The following PCDHB7 variants were observed in gnomAD, a reference collection of about 807,000 sequenced individuals.
PCDHB7 encodes protocadherin beta 7.
For missense variants in PCDHB7, 1,148 were observed against 1,011.6 expected (o/e 1.13, Z -1.83); for synonymous variants, 542 against 463.1 (o/e 1.17, Z -2.19).
rs1554280564 is a variant in PCDHB7, at chr5:141,175,744, C to G, written c.*527C>G. On this transcript the variant is annotated 3_prime_UTR_variant, in exon 1 of 1. Coordinates refer to ENST00000231137, the MANE Select transcript of PCDHB7 (RefSeq NM_018940.4). The stretch of plus-strand genomic sequence containing the variant: ...CTAAGTTCCACTAACTAATAAGTGA[C>G]AAAACTGAGCATCCATCCCAGATCT... 1 of 172,136 alleles carries G rather than the reference C, an allele frequency of 5.8e-6. No individual in the cohort carries two copies. The highest frequency in any genetic ancestry group is 1.4e-5 in the Non-Finnish European group (1 of 71,614). 10.7% of individuals were successfully genotyped at this position (172,136 alleles called of 1,614,324 possible).
At position 141,174,067 on chromosome 5, in the gene PCDHB7, G is replaced by C. The variant is rs782528053; in HGVS notation, c.1232G>C (p.Arg411Pro). 17 of 1,613,910 alleles carry C rather than the reference G, an allele frequency of 1.1e-5. No individual in the cohort carries two copies. Among genetic ancestry groups the C allele is most frequent in the Admixed American group, 1.7e-5 (1 of 60,008 alleles). Residue 411 changes from arginine to proline, a missense_variant, in exon 1 of 1, where the codon CGA becomes CCA. Arg to Pro is a moderately radical substitution (Grantham distance 103). Coordinates refer to ENST00000231137, the MANE Select transcript of PCDHB7 (RefSeq NM_018940.4). ...CTGGTAACAGAGAAACCTTTGGATC[G>C]AGAGAGGAACACTGAGTACAACATC... is the stretch of plus-strand genomic sequence containing the variant. ...YTLVTEKPLD[R>P]ERNTEYNITI...
chr5:141,174,342 C>G lies in PCDHB7; in HGVS notation c.1507C>G (p.Leu503Val). 1 of 1,612,992 alleles carries G rather than the reference C, an allele frequency of 6.2e-7. No homozygotes were observed. The highest frequency in any genetic ancestry group is 8.5e-7 in the Non-Finnish European group (1 of 1,179,908). ...GGACCCGCACCTGCCCCTCGCCTCC[C>G]TGGTCTCCATCAACGCGGACAACGG... is the stretch of plus-strand genomic sequence containing the variant. ...SQDPHLPLAS[L>V]VSINADNGHL... Residue 503 changes from leucine to valine, a missense_variant, in exon 1 of 1, where the codon CTG (leucine) becomes GTG (valine). By Grantham distance (32) the Leu-to-Val change is conservative. Transcript: ENST00000231137.
chr5:141,173,721 C>A lies in PCDHB7; in HGVS notation c.886C>A (p.Pro296Thr). The change falls in exon 1 of 1, where the codon CCA (proline) becomes ACA (threonine). Residue 296 changes from proline (P) to threonine (T), a missense_variant. By Grantham distance (38) the Pro-to-Thr change is conservative. Transcript: ENST00000231137. ...ERILKTFQIN[P>T]TSGSLHLKAQ... ...AATTCTCAAAACGTTTCAAATCAAT[C>A]CAACATCTGGCAGTCTTCATCTTAA... 8 of 1,613,930 alleles carry A rather than the reference C, an allele frequency of 5.0e-6. No homozygotes were observed. The highest frequency in any genetic ancestry group is 6.8e-6 in the Non-Finnish European group (8 of 1,179,836).
chr5:141,173,310 G>C lies in PCDHB7; in HGVS notation c.475G>C (p.Asp159His). The C allele has an allele frequency of 1.2e-6, 2 of 1,614,056 alleles. No individual in the cohort carries two copies. Among genetic ancestry groups the C allele is most frequent in the Non-Finnish European group, 1.7e-6 (2 of 1,179,960 alleles). Residue 159 changes from aspartate to histidine, a missense_variant, in exon 1 of 1, where the codon GAT becomes CAT. Asp to His is a moderately conservative substitution (Grantham distance 81). Coordinates refer to ENST00000231137, the MANE Select transcript of PCDHB7 (RefSeq NM_018940.4). Reference protein sequence around the residue: ...GAAFLLESAQDSDVGTNSLSN... With the variant: ...GAAFLLESAQHSDVGTNSLSN... ...GGCATTTCTCCTAGAGAGTGCACAG[G>C]ATTCAGATGTTGGAACCAACAGCCT...
In PCDHB7 at chr5:141,173,993, G is replaced by A. The variant is rs782696134; in HGVS notation, c.1158G>A (p.Gln386=). 20 of 1,614,130 alleles carry A rather than the reference G, an allele frequency of 1.2e-5. No homozygotes were observed. The highest frequency in any genetic ancestry group is 3.3e-4 in the Middle Eastern group (2 of 6,062). ...ATGGAAAGACAGTGTGCTCCATCCA[G>A]GACGATGTCCCCTTCATCCTGAAGC... ...GNNGKTVCSI[Q]DDVPFILKPS... Residue 386 remains glutamine, a synonymous_variant, in exon 1 of 1, where the codon CAG becomes CAA. Coordinates refer to ENST00000231137, the MANE Select transcript of PCDHB7 (RefSeq NM_018940.4).
chr5:141,173,420 G>A lies in PCDHB7; in HGVS notation c.585G>A (p.Val195=). The A allele has an allele frequency of 6.2e-7, 1 of 1,614,164 alleles. No individual in the cohort carries two copies. Among genetic ancestry groups the A allele is most frequent in the Non-Finnish European group, 8.5e-7 (1 of 1,180,004 alleles). The change falls in exon 1 of 1, where the codon GTG becomes GTA. Residue 195 remains valine, a synonymous_variant. Coordinates refer to ENST00000231137, the MANE Select transcript of PCDHB7 (RefSeq NM_018940.4). ...AGGGGAATATCTATCCCGAATTGGT[G>A]CTGAATCAAGTGCTGGATCGGGAAG... ...SGEGNIYPEL[V]LNQVLDREEI... is the part of the protein sequence containing the mutation.
Position 141,173,517 on chromosome 5 carries a change from G to T in PCDHB7, c.682G>T (p.Val228Leu). Residue 228 changes from valine (V) to leucine (L), a missense_variant, in exon 1 of 1, where the codon GTG becomes TTG. Val to Leu is a conservative substitution (Grantham distance 32, BLOSUM62 1). Transcript: ENST00000231137. ...TCCTCCAAGATCAGGGACCGCCCTC[G>T]TGCGCATTCTGGTTCTAGACGTAAA... ...GSPPRSGTAL[V>L]RILVLDVNDN... 6.2e-7 allele frequency: 1 copy of T among 1,613,990 alleles called. No homozygotes were observed. The highest frequency in any genetic ancestry group is 8.5e-7 in the Non-Finnish European group (1 of 1,179,910).
In PCDHB7 at chr5:141,174,881, C is replaced by T; in HGVS notation, c.2046C>T (p.Asn682=). The T allele has an allele frequency of 6.2e-7, 1 of 1,611,246 alleles. No individual in the cohort carries two copies. The highest frequency in any genetic ancestry group is 1.9e-4 in the Middle Eastern group (1 of 5,338). Residue 682 remains asparagine (N), a synonymous_variant, in exon 1 of 1, where the codon AAC becomes AAT. Coordinates refer to ENST00000231137, the MANE Select transcript of PCDHB7 (RefSeq NM_018940.4). ...CGGAGGCGGCCCCGGACCAGGCCAA[C>T]TCGCTCACCGTCTACCTGGTGGTGG... ...RLPEAAPDQA[N]SLTVYLVVAL...
At position 141,174,284 on chromosome 5, in the gene PCDHB7, C is replaced by T. The variant is rs782065594; in HGVS notation, c.1449C>T (p.Asn483=). The T allele has an allele frequency of 6.2e-6, 10 of 1,612,376 alleles. No individual in the cohort carries two copies. The Admixed American group carries it at 1.5e-4, about 24-fold the overall frequency. The change falls in exon 1 of 1, where the codon AAC becomes AAT. Residue 483 remains asparagine, a synonymous_variant. Coordinates refer to ENST00000231137, the MANE Select transcript of PCDHB7 (RefSeq NM_018940.4). ...VSATDRDSGT[N]AQVIYSLLPS... is the part of the protein sequence containing the mutation. The stretch of plus-strand genomic sequence containing the variant: ...CCACAGACAGAGACTCGGGCACCAA[C>T]GCCCAGGTCATCTACTCCCTGCTGC...
At position 141,174,004 on chromosome 5, in the gene PCDHB7, C is replaced by T. The variant is rs200054290; in HGVS notation, c.1169C>T (p.Pro390Leu). The change falls in exon 1 of 1, where the codon CCC becomes CTC. Residue 390 changes from proline to leucine, a missense_variant. By Grantham distance (98) the Pro-to-Leu change is moderately conservative (BLOSUM62 -3). Coordinates refer to ENST00000231137, the MANE Select transcript of PCDHB7 (RefSeq NM_018940.4). ...GTGTGCTCCATCCAGGACGATGTCC[C>T]CTTCATCCTGAAGCCATCTGTCGAA... ...KTVCSIQDDV[P>L]FILKPSVENF... The T allele has an allele frequency of 1.0e-4, 169 of 1,614,114 alleles. 3 individuals carry two copies. The Admixed American group carries it at 2.7e-3, about 26-fold the overall frequency.
In PCDHB7 at chr5:141,174,658, A is replaced by G; in HGVS notation, c.1823A>G (p.Lys608Arg). Residue 608 changes from lysine (K) to arginine (R), a missense_variant, in exon 1 of 1, where the codon AAG becomes AGG. Transcript: ENST00000231137. ...QNAWLSYQLLKATEPGLFGVW... is the reference protein window; with the variant it reads ...QNAWLSYQLLRATEPGLFGVW... ...GCCTGGCTGTCGTACCAGCTGCTCA[A>G]GGCCACGGAGCCCGGGCTATTCGGC... The G allele has an allele frequency of 3.1e-6, 5 of 1,610,460 alleles. No homozygotes were observed. Among genetic ancestry groups the G allele is most frequent in the Non-Finnish European group, 4.2e-6 (5 of 1,179,748 alleles).
chr5:141,175,069 A>C lies in PCDHB7; in HGVS notation c.2234A>C (p.Gln745Pro). ...TTGAGCGGCACCGGGACCCTATCCCAGAGCTACCAGTATGAGGTGTGCCTG... is the reference window on the plus strand; with the variant it reads ...TTGAGCGGCACCGGGACCCTATCCCCGAGCTACCAGTATGAGGTGTGCCTG... ...VDLSGTGTLS[Q>P]SYQYEVCLTG... Residue 745 changes from glutamine (Q) to proline (P), a missense_variant, in exon 1 of 1, where the codon CAG becomes CCG. Physicochemically the swap from Gln to Pro is moderately conservative, Grantham distance 76 (BLOSUM62 -1). Coordinates refer to ENST00000231137, the MANE Select transcript of PCDHB7 (RefSeq NM_018940.4). 1 of 1,614,232 alleles carries C rather than the reference A, an allele frequency of 6.2e-7. No individual in the cohort carries two copies. The highest frequency in any genetic ancestry group is 8.5e-7 in the Non-Finnish European group (1 of 1,180,046).
rs782403196 is a variant in PCDHB7 at position 141,174,315 on chromosome 5, C to A, written c.1480C>A (p.Gln494Lys). 6.2e-7 allele frequency: 1 copy of A among 1,612,944 alleles called. No individual in the cohort carries two copies. Among genetic ancestry groups the A allele is most frequent in the South Asian group, 1.1e-5 (1 of 91,024 alleles). ...AQVIYSLLPS[Q>K]DPHLPLASLV... ...GGTCATCTACTCCCTGCTGCCGTCC[C>A]AGGACCCGCACCTGCCCCTCGCCTC... The change falls in exon 1 of 1, where the codon CAG (glutamine) becomes AAG (lysine). Residue 494 changes from glutamine (Q) to lysine (K), a missense_variant. Gln to Lys is a moderately conservative substitution (Grantham distance 53, BLOSUM62 1). Coordinates refer to ENST00000231137, the MANE Select transcript of PCDHB7 (RefSeq NM_018940.4).
chr5:141,173,592 G>A lies in PCDHB7; in HGVS notation c.757G>A (p.Glu253Lys). ...VRSLYKVQVP[E>K]NSPVGSMVVS... Reference sequence around the variant, plus strand: ...GTCGCTCTACAAGGTGCAGGTGCCCGAAAATAGCCCCGTTGGTTCCATGGT... The same window carrying A: ...GTCGCTCTACAAGGTGCAGGTGCCCAAAAATAGCCCCGTTGGTTCCATGGT... Residue 253 changes from glutamate to lysine, a missense_variant, in exon 1 of 1, where the codon GAA (glutamate) becomes AAA (lysine). Transcript: ENST00000231137. 6 of 1,614,104 alleles carry A rather than the reference G, an allele frequency of 3.7e-6. No homozygotes were observed. Among genetic ancestry groups the A allele is most frequent in the East Asian group, 4.5e-5 (2 of 44,888 alleles).
At position 141,174,066 on chromosome 5, in the gene PCDHB7, C is replaced by G. The variant is rs781901718; in HGVS notation, c.1231C>G (p.Arg411Gly). 1.2e-6 allele frequency: 2 copies of G among 1,614,012 alleles called. No homozygotes were observed. Among genetic ancestry groups the G allele is most frequent in the Admixed American group, 3.3e-5 (2 of 60,030 alleles). The change falls in exon 1 of 1, where the codon CGA (arginine) becomes GGA (glycine). Residue 411 changes from arginine to glycine, a missense_variant. By Grantham distance (125) the Arg-to-Gly change is moderately radical. Transcript: ENST00000231137. Reference protein sequence around the residue: ...YTLVTEKPLDRERNTEYNITI... With the variant: ...YTLVTEKPLDGERNTEYNITI... ...TCTGGTAACAGAGAAACCTTTGGAT[C>G]GAGAGAGGAACACTGAGTACAACAT...
At position 141,172,691 on chromosome 5, in the gene PCDHB7, G is replaced by A; in HGVS notation, c.-145G>A. 1.6e-6 allele frequency: 1 copy of A among 640,660 alleles called. No homozygotes were observed. Among genetic ancestry groups the A allele is most frequent in the East Asian group, 2.7e-5 (1 of 36,886 alleles). The allele number at this position is 640,660 out of a possible 1,614,324, so 39.7% of individuals were successfully genotyped here. A position where few individuals can be genotyped will look rare whatever the true frequency, so the allele number is the denominator to read the frequency against. ...AGAAAAGCATAGGAAAGGAAACAGT[G>A]GTAATAGGAATTGGGGTAAAATGAG... is the stretch of plus-strand genomic sequence containing the variant. On this transcript the variant is annotated 5_prime_UTR_variant, in exon 1 of 1. Transcript: ENST00000231137.
At position 141,174,209 on chromosome 5, in the gene PCDHB7, G is replaced by A. The variant is rs782069697; in HGVS notation, c.1374G>A (p.Leu458=). 2 of 1,613,382 alleles carry A rather than the reference G, an allele frequency of 1.2e-6. No individual in the cohort carries two copies. Among genetic ancestry groups the A allele is most frequent in the Non-Finnish European group, 1.7e-6 (2 of 1,180,040 alleles). ...CCTTCACCCAAACCTCCTACACCCT[G>A]TTTGTCCGTGAGAACAACAGCCCCG... ...APAFTQTSYT[L]FVRENNSPAL... is the part of the protein sequence containing the mutation. The change falls in exon 1 of 1, where the codon CTG becomes CTA. Residue 458 remains leucine, a synonymous_variant. Transcript: ENST00000231137.
At position 141,173,702 on chromosome 5, in the gene PCDHB7, C is replaced by G. The variant is rs199826549; in HGVS notation, c.867C>G (p.Leu289=). Residue 289 remains leucine (L), a synonymous_variant, in exon 1 of 1, where the codon CTC becomes CTG. Transcript: ENST00000231137. ...YAFSYATERI[L]KTFQINPTSG... is the part of the protein sequence containing the mutation. ...TTTCTTACGCCACTGAAAGAATTCT[C>G]AAAACGTTTCAAATCAATCCAACAT... 6.2e-7 allele frequency: 1 copy of G among 1,614,078 alleles called. No homozygotes were observed. The highest frequency in any genetic ancestry group is 1.3e-5 in the African/African-American group (1 of 75,044).
rs781812239 is a variant in PCDHB7, at chr5:141,174,485, G to GGT, written c.1652_1653dup (p.Leu552CysfsTer36). 10 of 1,611,236 alleles carry GGT rather than the reference G, an allele frequency of 6.2e-6. No individual in the cohort carries two copies. Among genetic ancestry groups the GGT allele is most frequent in the South Asian group, 1.1e-5 (1 of 90,960 alleles). On this transcript the variant is annotated frameshift_variant, in exon 1 of 1. Transcript: ENST00000231137. LOFTEE classifies it low-confidence loss of function (END_TRUNC). ...GCAGCGAGGCGCTGGTGCGCGTGCT[G>GGT]GTGCTGGACGCCAACGACAACTCGC...
Sources: gnomAD v4.1 joint callset for allele counts on GRCh38, gnomAD v4.1.1 for gene constraint, MANE v1.5 for transcripts, NCBI Gene and HGNC (gene_info 2026-07-23, HGNC 2026-07-21) for gene names.